The following UTS2 variants were observed in gnomAD, a reference collection of about 807,000 sequenced individuals.
The protein encoded by UTS2 is urotensin-2.
UTS2 carries 10 observed loss-of-function variants against 12.6 expected under a neutral mutation model. The observed-to-expected ratio is 0.80, with a 90% confidence interval of 0.49 to 1.35. The LOEUF (loss-of-function observed/expected upper bound fraction) is 1.35, where lower values mean the gene tolerates loss of function less well. Among genes scored for constraint, UTS2 ranks in the 40% most tolerant of loss-of-function variants. UTS2 has a pLI of 0.00. For missense variants in UTS2, 142 were observed against 143.2 expected, an observed-to-expected ratio of 0.99 and a Z score of 0.04; for synonymous variants, 52 against 50.0, an observed-to-expected ratio of 1.04 and a Z score of -0.17.
At chr1:7,901,655 T>G in the UTS2 span, among the ~76,000 whole-genome samples, 1 of 152,072 alleles carries the variant, frequency 6.6e-6, no homozygotes, top group African/African-American at 2.4e-5. Flanking sequence ...TATTCTCATT[T>G]AATCCTCACA....
Position 7,847,894 on chromosome 1 carries a change from C to CT in UTS2, c.259-13_259-12insA. The CT allele has an allele frequency of 1.3e-6, 2 of 1,554,484 alleles. No individual in the cohort carries two copies. Among genetic ancestry groups the CT allele is most frequent in the South Asian group, 2.3e-5 (2 of 85,274 alleles). The stretch of plus-strand genomic sequence containing the variant: ...GAGAAATCCTGAAACTAAAACAATC[C>CT]AAACGAACAACAACAACAAAAAAAA... On this transcript the variant is annotated splice_polypyrimidine_tract_variant and intron_variant, in intron 3 of 3. Transcript: ENST00000361696.
chr1:7,891,107 C>T, the UTS2 span, among the ~76,000 whole-genome samples: 1 of 152,040 alleles, frequency 6.6e-6, no homozygotes, highest in Non-Finnish European at 1.5e-5. Flanking sequence ...GATGAATCTC[C>T]AGATCATTAT....
the UTS2 span, among the ~76,000 whole-genome samples, chr1:7,875,665 C>G: frequency 1.6e-4 from 25 of 152,104 alleles, no homozygotes; most frequent in Admixed American, 1.4e-3. Context: ...ACTGACCCAG[C>G]CCACCCACTG....
the UTS2 span, among the ~76,000 whole-genome samples, chr1:7,884,368 C>T: frequency 2.0e-5 from 3 of 147,198 alleles, no homozygotes; most frequent in East Asian, 2.0e-4. Flanking sequence ...GCGGTGTGAT[C>T]ATGACTCACT....
the UTS2 span, among the ~76,000 whole-genome samples, chr1:7,867,227 C>G: frequency 6.6e-6 from 1 of 152,196 alleles, no homozygotes; most frequent in Non-Finnish European, 1.5e-5. Context: ...AGGGAGATCC[C>G]CAAAATATGA....
the UTS2 span, among the ~76,000 whole-genome samples, chr1:7,868,121 G>T: frequency 7.1e-6 from 1 of 141,276 alleles, no homozygotes; most frequent in Non-Finnish European, 1.5e-5. Context: ...CAGTTCTGCC[G>T]GCACATCACC....
At chr1:7,848,103 C>G (rs1463806525) in intron 3 of UTS2, among the ~76,000 whole-genome samples, 1 of 152,120 alleles carries the variant, frequency 6.6e-6, no homozygotes, top group Non-Finnish European at 1.5e-5. Context: ...GTCTGTTCAG[C>G]CCAGCGATTG....
At chr1:7,887,931 A>G in the UTS2 span, among the ~76,000 whole-genome samples, 2 of 152,180 alleles carry the variant, frequency 1.3e-5, no homozygotes, top group African/African-American at 4.8e-5. Context: ...CTCAAAGGCA[A>G]AAGTGACCAC....
chr1:7,882,881 C>A, the UTS2 span, among the ~76,000 whole-genome samples: 1 of 151,984 alleles, frequency 6.6e-6, no homozygotes, highest in Non-Finnish European at 1.5e-5. Flanking sequence ...TATCCCAATT[C>A]GAATGGCTAT....
At chr1:7,888,207 C>T in the UTS2 span, among the ~76,000 whole-genome samples, 1 of 152,218 alleles carries the variant, frequency 6.6e-6, no homozygotes, top group Non-Finnish European at 1.5e-5. Flanking sequence ...CCACATCTGT[C>T]TCTCTAATCC....
At chr1:7,874,670 C>T in the UTS2 span, among the ~76,000 whole-genome samples, 3 of 152,208 alleles carry the variant, frequency 2.0e-5, no homozygotes, top group Admixed American at 1.3e-4. Context: ...ACCATCCCCC[C>T]AGCAGCGGGG....
chr1:7,892,419 A>G, the UTS2 span, among the ~76,000 whole-genome samples: 15 of 149,420 alleles, frequency 1.0e-4, no homozygotes, highest in Non-Finnish European at 2.1e-4. Context: ...CTTGCGATAC[A>G]GCATCTTCAA....
Position 7,847,880 on chromosome 1 carries a change from A to AAACT in UTS2, c.259-2_260dup (p.Phe87LeufsTer11). On this transcript the variant is annotated frameshift_variant and splice_region_variant, in exon 4 of 4. Coordinates refer to ENST00000361696, the MANE Select transcript of UTS2 (RefSeq NM_006786.4). LOFTEE classifies it low-confidence loss of function (END_TRUNC). ...TAGGATCTTGTCCAGAGAAATCCTG[A>AAACT]AACTAAAACAATCCAAACGAACAAC... 6.3e-7 allele frequency: 1 copy of AAACT among 1,599,094 alleles called. No individual in the cohort carries two copies. The highest frequency in any genetic ancestry group is 8.5e-7 in the Non-Finnish European group (1 of 1,171,908).
At chr1:7,859,376 G>A in the UTS2 span, among the ~76,000 whole-genome samples, 1 of 138,584 alleles carries the variant, frequency 7.2e-6, no homozygotes, top group African/African-American at 2.6e-5. Context: ...GTCAGCTGCA[G>A]CAATAACCCC....
At chr1:7,891,731 T>C in the UTS2 span, among the ~76,000 whole-genome samples, 1 of 152,138 alleles carries the variant, frequency 6.6e-6, no homozygotes, top group Non-Finnish European at 1.5e-5. Flanking sequence ...CTGTGTACCA[T>C]AAACATGTAC....
the UTS2 span, among the ~76,000 whole-genome samples, chr1:7,911,976 T>C: frequency 6.6e-6 from 1 of 151,966 alleles, no homozygotes; most frequent in African/African-American, 2.4e-5. Flanking sequence ...TAAACAACAG[T>C]AGTGAAAAGA....
At chr1:7,861,697 C>G in the UTS2 span, among the ~76,000 whole-genome samples, 2 of 152,116 alleles carry the variant, frequency 1.3e-5, no homozygotes, top group South Asian at 2.1e-4. Context: ...ACCACTGCCC[C>G]GTCCCTCAGG....
chr1:7,856,713 G>A (rs1005126804), upstream of UTS2, among the ~76,000 whole-genome samples: 7 of 152,238 alleles, frequency 4.6e-5, no homozygotes, highest in Admixed American at 4.6e-4. Context: ...CCATGTGCCA[G>A]CAGGGTCGGA....
chr1:7,913,085 A>AGCAT, the UTS2 span, among the ~76,000 whole-genome samples: 1 of 151,026 alleles, frequency 6.6e-6, no homozygotes, highest in African/African-American at 2.5e-5. Flanking sequence ...TACAAACCAA[A>AGCAT]GCATGCATGC....
Sources: gnomAD v4.1 joint callset for allele counts (sites outside exome capture counted in the v4.1 genomes callset) on GRCh38, gnomAD v4.1.1 for gene constraint, MANE v1.5 for transcripts, NCBI Gene and HGNC (gene_info 2026-07-23, HGNC 2026-07-21) for gene names.